The following USP25 variants were observed in gnomAD, a reference collection of about 807,000 sequenced individuals.
USP25 encodes ubiquitin specific peptidase 25.
A neutral mutation model predicts 158.5 loss-of-function variants in USP25; 85 were observed. The observed-to-expected ratio is 0.54, with a 90% CI of 0.45 to 0.64. The LOEUF (loss-of-function observed/expected upper bound fraction) is 0.64, where lower values mean the gene tolerates loss of function less well. Among genes scored for constraint, USP25 ranks in the 30% least tolerant of loss-of-function variants. The probability of loss-of-function intolerance (pLI) is 0.00; values close to 1 mark genes in which losing one functional copy is unlikely to be tolerated. For missense variants in USP25, 1,242 were observed against 1,327.3 expected, an observed-to-expected ratio of 0.94 and a Z score of 1.00; for synonymous variants, 464 against 460.4, an observed-to-expected ratio of 1.01 and a Z score of -0.10.
At position 15,866,237 on chromosome 21, in the gene USP25, A is replaced by G. The variant is rs766694489; in HGVS notation, c.2727-29A>G. The G allele has an allele frequency of 7.3e-6, 11 of 1,511,342 alleles. 1 individual carries two copies. In the South Asian group the frequency reaches 7.3e-5, roughly 10 times the overall value. 93.6% of individuals were successfully genotyped at this position (1,511,342 alleles called of 1,614,324 possible). A position where few individuals can be genotyped will look rare whatever the true frequency, so the allele number is the denominator to read the frequency against. ...TATATATATACACACACATACACAC[A>G]CGCTCATATGTATGTGTTTTTTTTT... On this transcript the variant is annotated intron_variant, in intron 21 of 25. Coordinates refer to ENST00000400183, the MANE Select transcript of USP25 (RefSeq NM_001283041.3).
Position 15,827,219 on chromosome 21 carries a change from T to C in USP25, c.1693+16T>C. On this transcript the variant is annotated intron_variant, in intron 14 of 25. Coordinates refer to ENST00000400183, the MANE Select transcript of USP25 (RefSeq NM_001283041.3). ...GACACCAGAGGTAAGAAGTGTCTCA[T>C]AGCATGGTTACTGTCACCTCAGATG... 1 of 1,601,498 alleles carries C rather than the reference T, an allele frequency of 6.2e-7. No homozygotes were observed. The highest frequency in any genetic ancestry group is 8.6e-7 in the Non-Finnish European group (1 of 1,168,874).
intron 17 of USP25, among the ~76,000 whole-genome samples, chr21:15,834,428 TTGAA>T (rs774074077): frequency 1.4e-4 from 22 of 152,294 alleles, no homozygotes; most frequent in Non-Finnish European, 1.8e-4. Flanking sequence ...GTGGATATTA[TTGAA>T]TAACTTTTTT....
At chr21:15,869,317 T>G (rs1280860192) in intron 22 of USP25, among the ~76,000 whole-genome samples, 3 of 152,154 alleles carry the variant, frequency 2.0e-5, no homozygotes, top group African/African-American at 7.2e-5. Context: ...CTTATTTTTG[T>G]TTATAATGTT....
chr21:15,791,073 G>T (rs968388268), intron 4 of USP25, among the ~76,000 whole-genome samples: 1 of 151,798 alleles, frequency 6.6e-6, no homozygotes, highest in Non-Finnish European at 1.5e-5. Flanking sequence ...GAACTAAGTG[G>T]TCGGTGATAA....
chr21:15,791,258 T>C (rs2035574557), intron 4 of USP25, among the ~76,000 whole-genome samples: 1 of 151,910 alleles, frequency 6.6e-6, no homozygotes, highest in African/African-American at 2.4e-5. Context: ...TTATTGTACT[T>C]TCTATTATAT....
At chr21:15,736,739 T>C (rs1313147809) in intron 1 of USP25, among the ~76,000 whole-genome samples, 1 of 152,120 alleles carries the variant, frequency 6.6e-6, no homozygotes, top group Non-Finnish European at 1.5e-5. Context: ...GCATGTTTTT[T>C]CTTATGGTAT....
chr21:15,733,187 G>C (rs2031136332), intron 1 of USP25, among the ~76,000 whole-genome samples: 1 of 121,272 alleles, frequency 8.2e-6, no homozygotes, highest in Non-Finnish European at 1.6e-5. Context: ...GGATTCTTTA[G>C]GGCAGTTATT....
At chr21:15,753,704 GA>G (rs200965042) in intron 1 of USP25, among the ~76,000 whole-genome samples, 17,181 of 140,024 alleles carry the variant, frequency 0.12, 982 homozygotes, top group African/African-American at 0.17. Flanking sequence ...GTATGAGAGG[GA>G]AAAAAAAAAA....
chr21:15,824,063 G>A lies in USP25; in HGVS notation c.1105G>A (p.Val369Met), dbSNP rs1422134819. 1.9e-6 allele frequency: 3 copies of A among 1,613,378 alleles called. No individual in the cohort carries two copies. Among genetic ancestry groups the A allele is most frequent in the Non-Finnish European group, 2.5e-6 (3 of 1,179,660 alleles). Residue 369 changes from valine (V) to methionine (M), a missense_variant, in exon 11 of 26, where the codon GTG (valine) becomes ATG (methionine). Val to Met is a conservative substitution (Grantham distance 21, BLOSUM62 1). Transcript: ENST00000400183. Reference protein sequence around the residue: ...QEHWFTELPPVLTFELSRFEF... With the variant: ...QEHWFTELPPMLTFELSRFEF... ...GCATTGGTTTACTGAATTACCACCT[G>A]TGTTAACATTTGAATTGTCAAGATT...
chr21:15,856,596 C>T (rs1227944889), intron 20 of USP25, among the ~76,000 whole-genome samples: 1 of 152,140 alleles, frequency 6.6e-6, no homozygotes, highest in African/African-American at 2.4e-5. Flanking sequence ...CTCAGCCTCC[C>T]AAGTAGCTGG....
At chr21:15,752,568 T>C (rs1261628842) in intron 1 of USP25, among the ~76,000 whole-genome samples, 16 of 152,156 alleles carry the variant, frequency 1.1e-4, no homozygotes, top group Non-Finnish European at 2.1e-4. Context: ...GGTTGAAAGG[T>C]TGGGTGACAG....
At chr21:15,859,216 G>A (rs1396591922) in intron 20 of USP25, among the ~76,000 whole-genome samples, 3 of 147,728 alleles carry the variant, frequency 2.0e-5, no homozygotes, top group Admixed American at 6.7e-5. Flanking sequence ...TTTTTGAGAC[G>A]GGGTCTCGCT....
chr21:15,752,738 A>C (rs1019475766), intron 1 of USP25, among the ~76,000 whole-genome samples: 1 of 152,236 alleles, frequency 6.6e-6, no homozygotes, highest in African/African-American at 2.4e-5. Context: ...ATTCTATAAA[A>C]AGTAGGAAGA....
At chr21:15,752,248 C>T (rs938106947) in intron 1 of USP25, among the ~76,000 whole-genome samples, 24 of 150,776 alleles carry the variant, frequency 1.6e-4, no homozygotes, top group African/African-American at 4.2e-4. Flanking sequence ...GAGATGGAGT[C>T]GCTGTTGCCC....
rs775504439 is a variant in USP25, at chr21:15,808,860, T to C, written c.832T>C (p.Phe278Leu). ...HKLLDWLEDA[F>L]QMKAEEETDE... is the part of the protein sequence containing the mutation. The stretch of plus-strand genomic sequence containing the variant: ...ATTATTAGATTGGTTAGAAGATGCC[T>C]TCCAAATGAAAGCTGAAGAGGAGAC... Residue 278 changes from phenylalanine to leucine, a missense_variant, in exon 8 of 26, where the codon TTC (phenylalanine) becomes CTC (leucine). This residue lies in a region of USP25 where 627 missense variants were observed against 701.4 expected (regional missense o/e 0.89). Coordinates refer to ENST00000400183, the MANE Select transcript of USP25 (RefSeq NM_001283041.3). The C allele has an allele frequency of 6.2e-7, 1 of 1,611,536 alleles. No individual in the cohort carries two copies. The highest frequency in any genetic ancestry group is 8.5e-7 in the Non-Finnish European group (1 of 1,179,394).
chr21:15,751,928 A>G (rs1054155899), intron 1 of USP25, among the ~76,000 whole-genome samples: 1 of 152,146 alleles, frequency 6.6e-6, no homozygotes, highest in Non-Finnish European at 1.5e-5. Context: ...ACTCTTTTAC[A>G]TTGTAATTAA....
intron 1 of USP25, among the ~76,000 whole-genome samples, chr21:15,737,048 T>G (rs180984918): frequency 1.4e-3 from 206 of 152,270 alleles, no homozygotes; most frequent in Non-Finnish European, 2.5e-3. Flanking sequence ...CTAGGATTTT[T>G]CGTCTGAAAT....
intron 1 of USP25, among the ~76,000 whole-genome samples, chr21:15,750,436 G>A (rs1269052155): frequency 2.7e-5 from 4 of 149,846 alleles, no homozygotes; most frequent in Non-Finnish European, 4.5e-5. Flanking sequence ...CACCATATTG[G>A]TCAGGCTGGT....
chr21:15,838,976 A>G (rs984905528), intron 17 of USP25, among the ~76,000 whole-genome samples: 4 of 152,180 alleles, frequency 2.6e-5, no homozygotes, highest in South Asian at 2.1e-4. Flanking sequence ...GTTGTCTTCT[A>G]TAACAGCTAG....
Sources: allele counts gnomAD v4.1 joint callset (sites outside exome capture counted in the v4.1 genomes callset), GRCh38; gene constraint gnomAD v4.1.1; regional missense constraint gnomAD v4.1.1; transcripts MANE v1.5; gene names NCBI Gene and HGNC (gene_info 2026-07-23, HGNC 2026-07-21).